Variants in INSL6 observed in about 807,000 individuals in gnomAD.
The protein encoded by INSL6 is insulin like 6, also known as insulin-like peptide INSL6.
Under a neutral mutation model 9.4 loss-of-function variants are expected in INSL6, and 16 were observed. The ratio of observed to expected loss-of-function variants is 1.70; its 90% confidence interval spans 1.15 to 2.59. The LOEUF is 2.59. Ranked by LOEUF, INSL6 falls within the 30% of genes most tolerant of loss-of-function variation. The pLI is 0.00. For synonymous variants in INSL6, 154 were observed against 96.9 expected (o/e 1.59, Z -3.46); for missense variants, 391 against 257.3 (o/e 1.52, Z -3.56).
At chr9:5,045,202 T>C in the INSL6 span, among the ~76,000 whole-genome samples, 1 of 152,160 alleles carries the variant, frequency 6.6e-6, no homozygotes, top group African/African-American at 2.4e-5. Context: ...ATATTAGTGC[T>C]CTTGGGTAAA....
At chr9:5,157,508 C>G (rs1824838575) in intron 2 of INSL6, among the ~76,000 whole-genome samples, 1 of 151,936 alleles carries the variant, frequency 6.6e-6, no homozygotes, top group Admixed American at 6.6e-5. Context: ...CTGGAACTAC[C>G]AGTTAGGAAT....
At chr9:5,088,427 A>G in the INSL6 span, among the ~76,000 whole-genome samples, 2 of 152,216 alleles carry the variant, frequency 1.3e-5, no homozygotes, top group Non-Finnish European at 2.9e-5. Flanking sequence ...TCCAAAATAC[A>G]CTAATTTGAT....
chr9:5,095,374 C>T, the INSL6 span, among the ~76,000 whole-genome samples: 1 of 151,996 alleles, frequency 6.6e-6, no homozygotes, highest in Admixed American at 6.5e-5. Context: ...AAAAACAAAT[C>T]TCCACTCTAC....
chr9:5,182,900 A>G (rs1470047120), intron 1 of INSL6, among the ~76,000 whole-genome samples: 1 of 152,186 alleles, frequency 6.6e-6, no homozygotes, highest in Non-Finnish European at 1.5e-5. Flanking sequence ...GAAGCACACA[A>G]TTACAGATTC....
chr9:5,117,015 T>TATA, the INSL6 span, among the ~76,000 whole-genome samples: 1 of 152,188 alleles, frequency 6.6e-6, no homozygotes, highest in Non-Finnish European at 1.5e-5. Flanking sequence ...TTAAGGCCCT[T>TATA]ATAAGAGGCT....
At chr9:5,174,310 T>C (rs1230466449) in intron 1 of INSL6, among the ~76,000 whole-genome samples, 1 of 152,220 alleles carries the variant, frequency 6.6e-6, no homozygotes, top group Non-Finnish European at 1.5e-5. Flanking sequence ...TACTAATTTG[T>C]TCCTCTTCTC....
At chr9:5,061,628 C>G in the INSL6 span, among the ~76,000 whole-genome samples, 6 of 152,202 alleles carry the variant, frequency 3.9e-5, no homozygotes, top group Non-Finnish European at 8.8e-5. Context: ...AATGTTATGG[C>G]TGGTTTGATC....
At chr9:5,177,037 A>C (rs1458371635) in intron 1 of INSL6, among the ~76,000 whole-genome samples, 1 of 152,172 alleles carries the variant, frequency 6.6e-6, no homozygotes, top group African/African-American at 2.4e-5. Flanking sequence ...CATGACTTTG[A>C]TTAGGATGAC....
chr9:5,063,042 C>T, the INSL6 span, among the ~76,000 whole-genome samples: 7 of 151,846 alleles, frequency 4.6e-5, no homozygotes, highest in African/African-American at 1.4e-4. Context: ...GTTTTTTTGG[C>T]TATTTGTGTT....
the INSL6 span, among the ~76,000 whole-genome samples, chr9:5,006,532 T>G: frequency 7.2e-5 from 11 of 152,194 alleles, no homozygotes; most frequent in Non-Finnish European, 1.3e-4. Context: ...TGACTCATGG[T>G]TCCATAGGCT....
At chr9:5,134,143 G>C (rs903562484) in intron 2 of INSL6, among the ~76,000 whole-genome samples, 3 of 152,048 alleles carry the variant, frequency 2.0e-5, no homozygotes, top group African/African-American at 7.2e-5. Flanking sequence ...CAAGATTAGA[G>C]AAAAAAGAGT....
chr9:5,055,915 A>ACAT, the INSL6 span: 1 of 772,186 alleles, frequency 1.3e-6, no homozygotes, highest in African/African-American at 1.8e-5. Context: ...ATAACTCTAA[A>ACAT]CATCAGTTCA....
At chr9:5,144,945 G>C (rs1203577727) in intron 2 of INSL6, among the ~76,000 whole-genome samples, 1 of 151,826 alleles carries the variant, frequency 6.6e-6, no homozygotes, top group East Asian at 1.9e-4. Flanking sequence ...GTCTTTGGGG[G>C]CATTTAGCCC....
chr9:5,021,915 G>A, the INSL6 span: 1 of 1,128,856 alleles, frequency 8.9e-7, no homozygotes, highest in Non-Finnish European at 1.3e-6. Context: ...TTACAGGTGT[G>A]AGACACTGCG....
chr9:5,075,176 G>GCC, the INSL6 span, among the ~76,000 whole-genome samples: 5 of 152,082 alleles, frequency 3.3e-5, no homozygotes, highest in African/African-American at 1.2e-4. Flanking sequence ...AAGAAAAGAA[G>GCC]CCATGTGCAC....
In INSL6 at chr9:5,176,374, C is replaced by G. The variant is rs189103807; in HGVS notation, c.289+8940G>C. Among the ~76,000 whole-genome samples the G allele has an allele frequency of 1.9e-3, 289 of 152,256 alleles. 1 individual carries two copies. The highest frequency in any genetic ancestry group is 6.8e-3 in the African/African-American group (281 of 41,550). ...TTTCATTTTTCATTTTTCTGTAGCT[C>G]TTACTACTTTCAAATATTTACTTAA... On this transcript the variant is annotated intron_variant, in intron 1 of 1. Coordinates refer to ENST00000381641, the MANE Select transcript of INSL6 (RefSeq NM_007179.3).
At chr9:5,046,630 A>G in the INSL6 span, among the ~76,000 whole-genome samples, 2 of 152,166 alleles carry the variant, frequency 1.3e-5, no homozygotes, top group Admixed American at 6.5e-5. Flanking sequence ...CAGTTTTCCT[A>G]GCACCATTTG....
chr9:5,177,147 AAG>A (rs1825327365), intron 1 of INSL6, among the ~76,000 whole-genome samples: 2 of 152,274 alleles, frequency 1.3e-5, no homozygotes, highest in South Asian at 4.2e-4. Context: ...AGAGGAATAA[AAG>A]AGTGAATTCA....
the INSL6 span, chr9:5,078,435 C>G: frequency 6.2e-7 from 1 of 1,611,802 alleles, no homozygotes. Flanking sequence ...TACAGTTTTG[C>G]CAAAGGACAG....
Sources: gnomAD v4.1 joint callset for allele counts (sites outside exome capture counted in the v4.1 genomes callset) on GRCh38, gnomAD v4.1.1 for gene constraint, MANE v1.5 for transcripts, NCBI Gene and HGNC (gene_info 2026-07-23, HGNC 2026-07-21) for gene names.